CORO1B: variants seen among roughly 807,000 people sequenced by gnomAD.
The protein encoded by CORO1B is coronin-1B.
CORO1B carries 30 observed loss-of-function variants against 51.1 expected under a neutral mutation model. That is an observed-to-expected ratio of 0.59 (90% CI 0.44 to 0.80). The LOEUF is 0.80. Among genes scored for constraint, CORO1B ranks in the 30% least tolerant of loss-of-function variants. The pLI, the probability that CORO1B is intolerant of heterozygous loss-of-function variation, is 0.00. For missense variants in CORO1B, 648 were observed against 700.4 expected, an observed-to-expected ratio of 0.93 and a Z score of 0.84; for synonymous variants, 310 against 289.7, an observed-to-expected ratio of 1.07 and a Z score of -0.71.
In CORO1B at chr11:67,441,111, G is replaced by C. The variant is rs377751427; in HGVS notation, c.756+14C>G. ...CCCAAGTCTCAAGTTTGCCCCCTCAGGCTGGCCACTCACTGGGTCCCAGAG... is the reference window on the plus strand; with the variant it reads ...CCCAAGTCTCAAGTTTGCCCCCTCACGCTGGCCACTCACTGGGTCCCAGAG... On this transcript the variant is annotated intron_variant, in intron 6 of 10. Transcript: ENST00000341356. 176 of 1,612,798 alleles carry C rather than the reference G, an allele frequency of 1.1e-4. No individual in the cohort carries two copies. Among genetic ancestry groups the C allele is most frequent in the Admixed American group, 1.8e-4 (11 of 60,010 alleles).
Position 67,438,947 on chromosome 11 carries a change from C to T in CORO1B, c.1068G>A (p.Ser356=), listed in dbSNP as rs771481040. The T allele has an allele frequency of 2.2e-5, 35 of 1,598,942 alleles. No homozygotes were observed. Among genetic ancestry groups the T allele is most frequent in the South Asian group, 2.2e-5 (2 of 90,214 alleles). Residue 356 remains serine, a splice_region_variant and synonymous_variant, in exon 10 of 11, where the codon TCG becomes TCA. Transcript: ENST00000341356. ...EPIVMTVPRK[S]DLFQDDLYPD... is the part of the protein sequence containing the mutation. ...GGTACAGATCATCCTGGAAGAGGTC[C>T]GACTGGGCAGGGGGCCGGGGAGGTC...
At chr11:67,439,879 C>G (rs1420244266) in intron 8 of CORO1B, 36 bp from the exon 9 acceptor site, 1 of 1,546,854 alleles carries the variant, frequency 6.5e-7, no homozygotes. Flanking sequence ...GTGGAACCCT[C>G]ACCGCCCCCC....
Position 67,441,877 on chromosome 11 carries a change from G to A in CORO1B, c.325-15C>T. On this transcript the variant is annotated splice_polypyrimidine_tract_variant and intron_variant, in intron 3 of 10. Transcript: ENST00000341356. ...ATCTGCCACACCTGTGGTAGGGACAGGGCCACCGAGCTCAGTCCTCTGCTG... is the reference window on the plus strand; with the variant it reads ...ATCTGCCACACCTGTGGTAGGGACAAGGCCACCGAGCTCAGTCCTCTGCTG... 2 of 1,613,160 alleles carry A rather than the reference G, an allele frequency of 1.2e-6. No homozygotes were observed. Among genetic ancestry groups the A allele is most frequent in the South Asian group, 2.2e-5 (2 of 91,082 alleles).
rs1480709073 is a variant in CORO1B, at chr11:67,437,699, T to G, written c.*677A>C. ...GCGAGAAGTGAGCTCAGTGCTCGTC[T>G]GCAGTGAAGGGTGGCCCAGGCTTCC... On this transcript the variant is annotated 3_prime_UTR_variant, in exon 11 of 11. Coordinates refer to ENST00000341356, the MANE Select transcript of CORO1B (RefSeq NM_020441.3). 10 of 1,315,698 alleles carry G rather than the reference T, an allele frequency of 7.6e-6. No homozygotes were observed. The African/African-American group carries it at 1.1e-4, about 14-fold the overall frequency. The allele number at this position is 1,315,698 out of a possible 1,614,324, so 81.5% of individuals were successfully genotyped here.
chr11:67,436,618 T>C lies in CORO1B; in HGVS notation c.*1758A>G, dbSNP rs981532284. On this transcript the variant is annotated 3_prime_UTR_variant, in exon 11 of 11. Coordinates refer to ENST00000341356, the MANE Select transcript of CORO1B (RefSeq NM_020441.3). The stretch of plus-strand genomic sequence containing the variant: ...TGGGGCCTTCGCACTGGCTGTTCCC[T>C]CTGCCCGGAAAGCTCCACCTCCTCC... 1.8e-5 allele frequency: 7 copies of C among 381,456 alleles called. No individual in the cohort carries two copies. The highest frequency in any genetic ancestry group is 1.2e-4 in the East Asian group (3 of 24,086). The allele number at this position is 381,456 out of a possible 1,614,324, so 23.6% of individuals were successfully genotyped here.
chr11:67,438,215 G>GGC lies in CORO1B; in HGVS notation c.*159_*160dup, dbSNP rs1317637229. On this transcript the variant is annotated 3_prime_UTR_variant, in exon 11 of 11. Transcript: ENST00000341356. ...TCCACAGGAACAGTGAGGAAAGCTG[G>GGC]GCGCTGGCTTCGGCCTGGGCCTGGG... 2 of 856,496 alleles carry GGC rather than the reference G, an allele frequency of 2.3e-6. No individual in the cohort carries two copies. The highest frequency in any genetic ancestry group is 3.5e-6 in the Non-Finnish European group (2 of 571,374). The allele number at this position is 856,496 out of a possible 1,614,324, so 53.1% of individuals were successfully genotyped here.
chr11:67,439,056 G>A (rs1205342502), intron 9 of CORO1B, 107 bp from the exon 10 acceptor site: 6 of 1,289,456 alleles, frequency 4.7e-6, no homozygotes, highest in Middle Eastern at 2.4e-4. Context: ...ATTCTCCCAC[G>A]GCCTGGAAAG....
Position 67,438,517 on chromosome 11 carries a change from G to A in CORO1B, c.1345-16C>T. ...TCCCAGCCTCCTGTGGGGACATGAA[G>A]CAGGGGTAGGGGGCGGTGGTCAGGG... On this transcript the variant is annotated splice_polypyrimidine_tract_variant and intron_variant, in intron 10 of 10. Coordinates refer to ENST00000341356, the MANE Select transcript of CORO1B (RefSeq NM_020441.3). 1 of 1,600,010 alleles carries A rather than the reference G, an allele frequency of 6.2e-7. No individual in the cohort carries two copies. Among genetic ancestry groups the A allele is most frequent in the Non-Finnish European group, 8.5e-7 (1 of 1,170,984 alleles).
chr11:67,440,290 G>T (rs369355589), intron 7 of CORO1B, 27 bp from the exon 8 acceptor site: 323 of 1,612,574 alleles, frequency 2.0e-4, no homozygotes, highest in Non-Finnish European at 2.6e-4. Flanking sequence ...CTCAGCACCT[G>T]GGCACGCCTC....
chr11:67,441,622 A>G, intron 4 of CORO1B, 108 bp from the exon 5 acceptor site: 1 of 1,501,344 alleles, frequency 6.7e-7, no homozygotes. Flanking sequence ...GGGTCTCTCC[A>G]ACTCTGAGGG....
chr11:67,443,719 C>A, upstream of CORO1B: 1 of 985,114 alleles, frequency 1.0e-6, no homozygotes, highest in Non-Finnish European at 1.2e-6. Context: ...CGGCGGCCGC[C>A]GCAGAGGCGC....
In CORO1B at chr11:67,439,823, C is replaced by T. The variant is rs748787820; in HGVS notation, c.1028G>A (p.Arg343His). The T allele has an allele frequency of 6.3e-6, 10 of 1,587,246 alleles. No individual in the cohort carries two copies. The highest frequency in any genetic ancestry group is 3.4e-5 in the South Asian group (3 of 87,072). Residue 343 changes from arginine (R) to histidine (H), a missense_variant, in exon 9 of 11, where the codon CGC (arginine) becomes CAC (histidine). By Grantham distance (29) the Arg-to-His change is conservative. Transcript: ENST00000341356. ...AGTCATGACGATGGGCTCACACTTGCGCTCATGCAGTTTGTAGAACCTGGG... is the reference window on the plus strand; with the variant it reads ...AGTCATGACGATGGGCTCACACTTGTGCTCATGCAGTTTGTAGAACCTGGG... Reference protein sequence around the residue: ...EIARFYKLHERKCEPIVMTVP... With the variant: ...EIARFYKLHEHKCEPIVMTVP...
At chr11:67,443,376 C>T in intron 1 of CORO1B, 28 bp downstream of exon 1, 4 of 703,536 alleles carry the variant, frequency 5.7e-6, no homozygotes, top group Non-Finnish European at 7.0e-6. Context: ...CCAGCCCGCG[C>T]CCCTAGCCCC....
In CORO1B at chr11:67,438,440, T is replaced by C; in HGVS notation, c.1406A>G (p.Glu469Gly). Residue 469 changes from glutamate (E) to glycine (G), a missense_variant, in exon 11 of 11, where the codon GAG (glutamate) becomes GGG (glycine). Transcript: ENST00000341356. Reference sequence around the variant, plus strand: ...CAGGCGGCAGATGCGGTCGCCCTGCTCCTTGACCAGCGCCCTCAGGGCCCG... The same window carrying C: ...CAGGCGGCAGATGCGGTCGCCCTGCCCCTTGACCAGCGCCCTCAGGGCCCG... ...ELRALRALVKEQGDRICRLEE... is the reference protein window; with the variant it reads ...ELRALRALVKGQGDRICRLEE... 6.2e-7 allele frequency: 1 copy of C among 1,611,482 alleles called. No individual in the cohort carries two copies. Among genetic ancestry groups the C allele is most frequent in the Non-Finnish European group, 8.5e-7 (1 of 1,178,914 alleles).
chr11:67,443,645 G>T, upstream of CORO1B: 1 of 844,110 alleles, frequency 1.2e-6, no homozygotes. Flanking sequence ...CCTTTCCTAG[G>T]ACCCGGTGGA....
chr11:67,436,313 G>C lies in CORO1B; in HGVS notation c.*2063C>G. 1 of 1,518,018 alleles carries C rather than the reference G, an allele frequency of 6.6e-7. No homozygotes were observed. The highest frequency in any genetic ancestry group is 8.8e-7 in the Non-Finnish European group (1 of 1,135,448). 94.0% of individuals were successfully genotyped at this position (1,518,018 alleles called of 1,614,324 possible). A position where few individuals can be genotyped will look rare whatever the true frequency, so the allele number is the denominator to read the frequency against. On this transcript the variant is annotated 3_prime_UTR_variant, in exon 11 of 11. Transcript: ENST00000341356. ...ACCCGAGCCCAAGGCCCCTGGCAGG[G>C]CCAGCAGCATCCCGAGCCCTAAGGT...
In CORO1B at chr11:67,437,733, C is replaced by T. The variant is rs1864315446; in HGVS notation, c.*643G>A. 1 of 1,140,824 alleles carries T rather than the reference C, an allele frequency of 8.8e-7. No individual in the cohort carries two copies. The allele number at this position is 1,140,824 out of a possible 1,614,324, so 70.7% of individuals were successfully genotyped here. On this transcript the variant is annotated 3_prime_UTR_variant, in exon 11 of 11. Coordinates refer to ENST00000341356, the MANE Select transcript of CORO1B (RefSeq NM_020441.3). ...GGGTGGCCCAGGCTTCCGCTTCCTG[C>T]CCACATACCCCACCTGCCCCTCCCT...
intron 9 of CORO1B, 118 bp from the exon 10 acceptor site, chr11:67,439,067 C>G (rs1864347756): frequency 3.3e-6 from 4 of 1,212,848 alleles, no homozygotes; most frequent in Non-Finnish European, 4.5e-6. Flanking sequence ...GCCTGGAAAG[C>G]TCAAATCTGG....
rs1295441482 is a variant in CORO1B, at chr11:67,441,857, C to T, written c.330G>A (p.Trp110Ter). The T allele has an allele frequency of 6.2e-7, 1 of 1,613,224 alleles. No homozygotes were observed. The highest frequency in any genetic ancestry group is 1.7e-5 in the Admixed American group (1 of 60,018). ...SGSEDCTVMV[W>*]QIPENGLTSP... is the part of the protein sequence containing the mutation. ...AGGTCAGCCCGTTCTCTGGGATCTGCCACACCTGTGGTAGGGACAGGGCCA... is the reference window on the plus strand; with the variant it reads ...AGGTCAGCCCGTTCTCTGGGATCTGTCACACCTGTGGTAGGGACAGGGCCA... The change falls in exon 4 of 11, where the codon TGG (tryptophan) becomes TGA (stop). Residue 110 changes from tryptophan to a stop codon, truncating the protein, a stop_gained. Transcript: ENST00000341356. LOFTEE classifies it high-confidence loss of function.
Sources: allele counts gnomAD v4.1 joint callset, GRCh38; gene constraint gnomAD v4.1.1; transcripts MANE v1.5; gene names NCBI Gene and HGNC (gene_info 2026-07-23, HGNC 2026-07-21).